The following SIM1 variants were observed in gnomAD, a reference collection of about 807,000 sequenced individuals.
SIM1 encodes the protein SIM bHLH transcription factor 1, also known as single-minded homolog 1.
A neutral mutation model predicts 78.2 loss-of-function variants in SIM1; 18 were observed. That is an observed-to-expected ratio of 0.23 (90% confidence interval 0.16 to 0.34). The LOEUF (loss-of-function observed/expected upper bound fraction) is 0.34, where lower values mean the gene tolerates loss of function less well. Ranked by LOEUF, SIM1 falls within the 10% of genes least tolerant of loss-of-function variation. The probability of loss-of-function intolerance (pLI) is 1.00; values close to 1 mark genes in which losing one functional copy is unlikely to be tolerated. For missense variants in SIM1, 939 were observed against 975.1 expected (o/e 0.96, Z 0.49); for synonymous variants, 417 against 385.2 (o/e 1.08, Z -0.97).
chr6:100,447,983 C>T (rs959594487), intron 8 of SIM1, among the ~76,000 whole-genome samples, 163 bp downstream of exon 8: 10 of 152,198 alleles, frequency 6.6e-5, no homozygotes, highest in African/African-American at 2.2e-4. Context: ...TTTAGGTGGG[C>T]CCAGTGTCGG....
chr6:100,449,739 A>G (rs1458397460), intron 4 of SIM1, 40 bp from the exon 5 acceptor site: 1 of 1,533,440 alleles, frequency 6.5e-7, no homozygotes, highest in African/African-American at 1.4e-5. Flanking sequence ...TGGCGGTGGA[A>G]TGCCCGGTGA....
rs1357386023 is a variant in SIM1, at chr6:100,450,316, T to C, written c.299A>G (p.Lys100Arg). The change falls in exon 4 of 12, where the codon AAG becomes AGG. Residue 100 changes from lysine to arginine, a missense_variant. Physicochemically the swap from Lys to Arg is conservative, Grantham distance 26 (BLOSUM62 2). This residue lies in a region of SIM1 where 121 missense variants were observed against 124.6 expected (regional missense o/e 0.97). Transcript: ENST00000369208. ...GGCTGTCTCTGAGATGTACATGATCTTCCCATCTGGGGCTACCACGAAGAT... is the reference window on the plus strand; with the variant it reads ...GGCTGTCTCTGAGATGTACATGATCCTCCCATCTGGGGCTACCACGAAGAT... Reference protein sequence around the residue: ...GFIFVVAPDGKIMYISETASV... With the variant: ...GFIFVVAPDGRIMYISETASV... 24 of 1,614,116 alleles carry C rather than the reference T, an allele frequency of 1.5e-5. No individual in the cohort carries two copies. The highest frequency in any genetic ancestry group is 2.0e-5 in the Non-Finnish European group (24 of 1,180,032).
intron 9 of SIM1, among the ~76,000 whole-genome samples, chr6:100,436,844 T>C (rs1772064896): frequency 6.6e-6 from 1 of 150,598 alleles, no homozygotes; most frequent in African/African-American, 2.4e-5. Context: ...GTTCAAGCAA[T>C]TCCCCTGCCT....
chr6:100,421,032 GAT>G, intron 9 of SIM1, 74 bp from the exon 10 acceptor site: 1 of 1,452,512 alleles, frequency 6.9e-7, no homozygotes, highest in Non-Finnish European at 9.3e-7. Flanking sequence ...CATCAGGAAT[GAT>G]AGTAATCCGA....
chr6:100,421,838 G>A (rs2114505628), intron 9 of SIM1, among the ~76,000 whole-genome samples: 1 of 152,294 alleles, frequency 6.6e-6, no homozygotes, highest in Admixed American at 6.5e-5. Context: ...TCCACTGGCA[G>A]CCAAAATAAA....
rs999206988 is a variant in SIM1 at position 100,444,407 on chromosome 6, G to T, written c.998+2861C>A. Reference sequence around the variant, plus strand: ...TTTTTTAAATGTGTAAAGCTAACAGGGTATGTGTGTCTTGCAGAAAATTAT... The same window carrying T: ...TTTTTTAAATGTGTAAAGCTAACAGTGTATGTGTGTCTTGCAGAAAATTAT... On this transcript the variant is annotated intron_variant, in intron 9 of 11. Coordinates refer to ENST00000369208, the MANE Select transcript of SIM1 (RefSeq NM_005068.3). Among the ~76,000 whole-genome samples the T allele has an allele frequency of 3.3e-4, 50 of 152,020 alleles. 1 individual carries two copies. Among genetic ancestry groups the T allele is most frequent in the Admixed American group, 2.6e-4 (4 of 15,268 alleles).
intron 3 of SIM1, among the ~76,000 whole-genome samples, chr6:100,452,533 G>A (rs1001880939): frequency 2.6e-5 from 4 of 152,192 alleles, no homozygotes; most frequent in African/African-American, 7.2e-5. Context: ...GCAGGGATGA[G>A]GGAGTAAATG....
chr6:100,391,112 A>G, intron 11 of SIM1, 21 bp from the exon 12 acceptor site: 1 of 1,552,614 alleles, frequency 6.4e-7, no homozygotes. Context: ...GAAAAAGTCA[A>G]AAGTAAGTGA....
chr6:100,433,740 C>CACACACACACA (rs1771966983), intron 9 of SIM1, among the ~76,000 whole-genome samples: 1 of 124,292 alleles, frequency 8.0e-6, no homozygotes, highest in African/African-American at 3.1e-5. Flanking sequence ...ACCCCCCCAC[C>CACACACACACA]CACACACACA....
Position 100,412,534 on chromosome 6 carries a change from CTAAG to C in SIM1, c.1167+8252_1167+8255del, listed in dbSNP as rs1279678987. ...GCTGGGTGACAGAGCAAGACTCTGT[CTAAG>C]AAAGAAAGAAAGAAAGAAAAGAAAG... On this transcript the variant is annotated intron_variant, in intron 10 of 11. Transcript: ENST00000369208. Among the ~76,000 whole-genome samples the C allele has an allele frequency of 2.2e-3, 209 of 95,052 alleles. 19 individuals are homozygous for C. Among genetic ancestry groups the C allele is most frequent in the East Asian group, 0.015 (25 of 1,710 alleles). The allele number at this position is 95,052 out of a possible 152,430, so 62.4% of individuals were successfully genotyped here. A position where few individuals can be genotyped will look rare whatever the true frequency, so the allele number is the denominator to read the frequency against.
chr6:100,457,731 C>T (rs562640311), intron 2 of SIM1, among the ~76,000 whole-genome samples: 5 of 152,368 alleles, frequency 3.3e-5, no homozygotes, highest in African/African-American at 1.2e-4. Context: ...CGCACCCGAC[C>T]CCACCTCTGG....
intron 9 of SIM1, among the ~76,000 whole-genome samples, chr6:100,424,008 A>G (rs1389263720): frequency 2.0e-5 from 3 of 152,048 alleles, no homozygotes; most frequent in Admixed American, 1.3e-4. Context: ...TTTTATGGCT[A>G]TAAGCAGTGA....
In SIM1 at chr6:100,412,640, A is replaced by G. The variant is rs867384352; in HGVS notation, c.1167+8150T>C. On this transcript the variant is annotated intron_variant, in intron 10 of 11. Transcript: ENST00000369208. The stretch of plus-strand genomic sequence containing the variant: ...AGAAAGAAGGAAAGAAAGAAAGAAA[A>G]GAAAGAAAGAAAGAAAGAGAGAGAG... 9.5e-3 allele frequency among the ~76,000 whole-genome samples: 914 copies of G among 96,330 alleles called. 73 individuals carry two copies. The highest frequency in any genetic ancestry group is 0.026 in the Middle Eastern group (5 of 194). 63.2% of individuals were successfully genotyped at this position (96,330 alleles called of 152,430 possible).
intron 9 of SIM1, among the ~76,000 whole-genome samples, chr6:100,432,457 A>G (rs1006098431): frequency 6.6e-6 from 1 of 152,098 alleles, no homozygotes; most frequent in Non-Finnish European, 1.5e-5. Context: ...AATGAAAGGA[A>G]TCAGATGAAA....
At chr6:100,433,618 C>G (rs1562248794) in intron 9 of SIM1, among the ~76,000 whole-genome samples, 1 of 151,846 alleles carries the variant, frequency 6.6e-6, no homozygotes, top group Non-Finnish European at 1.5e-5. Context: ...CATGCCATCC[C>G]AGCTACTCCG....
intron 2 of SIM1, among the ~76,000 whole-genome samples, chr6:100,454,310 G>A (rs912990054): frequency 6.6e-6 from 1 of 152,304 alleles, no homozygotes; most frequent in African/African-American, 2.4e-5. Context: ...AGGTCCAACC[G>A]GTCCTTGGCG....
intron 11 of SIM1, 62 bp from the exon 12 acceptor site, chr6:100,391,153 T>C: frequency 6.8e-7 from 1 of 1,479,296 alleles, no homozygotes; most frequent in Admixed American, 2.3e-5. Context: ...ATAAGTATAT[T>C]TCCTTTACCT....
At chr6:100,459,859 T>C (rs1166793148) in intron 2 of SIM1, among the ~76,000 whole-genome samples, 4 of 152,236 alleles carry the variant, frequency 2.6e-5, no homozygotes, top group Non-Finnish European at 5.9e-5. Flanking sequence ...ATAACAAATA[T>C]GTATGTCTTT....
intron 9 of SIM1, chr6:100,437,156 C>T (rs919357913): frequency 1.3e-5 from 2 of 152,158 alleles, no homozygotes; most frequent in Admixed American, 6.5e-5. Context: ...TAGAGCCCAA[C>T]TTCTTAACTA....
Sources: gnomAD v4.1 joint callset for allele counts (sites outside exome capture counted in the v4.1 genomes callset) on GRCh38, gnomAD v4.1.1 for gene constraint, gnomAD v4.1.1 regional missense constraint, MANE v1.5 for transcripts, NCBI Gene and HGNC (gene_info 2026-07-23, HGNC 2026-07-21) for gene names.